The following ELAVL3 variants were observed in gnomAD, a reference collection of about 807,000 sequenced individuals.
ELAVL3 encodes ELAV-like protein 3.
Under a neutral mutation model 34.2 loss-of-function variants are expected in ELAVL3, and 8 were observed. The ratio of observed to expected loss-of-function variants is 0.23; its 90% CI spans 0.14 to 0.42. The LOEUF (loss-of-function observed/expected upper bound fraction) is 0.42. Ranked by LOEUF, ELAVL3 falls within the 10% of genes least tolerant of loss-of-function variation. ELAVL3 has a pLI of 1.00. For synonymous variants in ELAVL3, 209 were observed against 222.1 expected (o/e 0.94, Z 0.53); for missense variants, 273 against 518.8 (o/e 0.53, Z 4.60).
intron 5 of ELAVL3, among the ~76,000 whole-genome samples, chr19:11,457,421 C>T (rs1431627243): frequency 6.6e-6 from 1 of 152,202 alleles, no homozygotes; most frequent in Admixed American, 6.5e-5. Context: ...TGGGCCCAGG[C>T]GCTGGGATCC....
rs1311198125 is a variant in ELAVL3, at chr19:11,456,262, GC to G, written c.752+847del. On this transcript the variant is annotated intron_variant, in intron 6 of 6. Transcript: ENST00000359227. ...TGGGATTACAGGCGCCTGCCACCGT[GC>G]CCAGCTAAATTTTTGTATTTTTAGT... Among the ~76,000 whole-genome samples the G allele has an allele frequency of 1.6e-4, 24 of 151,774 alleles. No individual in the cohort carries two copies. The East Asian group carries it at 4.7e-3, about 30-fold the overall frequency.
At chr19:11,461,386 G>C in intron 3 of ELAVL3, among the ~76,000 whole-genome samples, 1 of 152,146 alleles carries the variant, frequency 6.6e-6, no homozygotes, top group Non-Finnish European at 1.5e-5. Context: ...CCTGTCACCA[G>C]GGACTGGGGA....
chr19:11,462,246 G>A (rs1225221698), intron 3 of ELAVL3, among the ~76,000 whole-genome samples: 1 of 151,794 alleles, frequency 6.6e-6, no homozygotes, highest in African/African-American at 2.4e-5. Flanking sequence ...GAGAGTGAAT[G>A]GGGGGCAGGG....
intron 1 of ELAVL3, among the ~76,000 whole-genome samples, chr19:11,477,971 T>C (rs1404811449): frequency 3.3e-5 from 5 of 152,208 alleles, no homozygotes; most frequent in African/African-American, 1.2e-4. Context: ...ATTACAGGCA[T>C]GAGCCACCGT....
At position 11,452,080 on chromosome 19, in the gene ELAVL3, G is replaced by C. The variant is rs1341125625; in HGVS notation, c.*2446C>G. ...CAAGAACAAGCTAGGGATTTCACCA[G>C]CTAAATAGGACTGAAAAAATTCTCA... is the stretch of plus-strand genomic sequence containing the variant. On this transcript the variant is annotated 3_prime_UTR_variant, in exon 7 of 7. Transcript: ENST00000359227. The C allele has an allele frequency of 6.6e-6, 1 of 152,226 alleles. No homozygotes were observed. Among genetic ancestry groups the C allele is most frequent in the Non-Finnish European group, 1.5e-5 (1 of 68,036 alleles). 9.4% of individuals were successfully genotyped at this position (152,226 alleles called of 1,614,324 possible).
chr19:11,472,027 G>A (rs1440812673), intron 1 of ELAVL3, among the ~76,000 whole-genome samples: 1 of 152,154 alleles, frequency 6.6e-6, no homozygotes, highest in East Asian at 1.9e-4. Context: ...GGCACAGTTG[G>A]CACATAGGTT....
At chr19:11,457,283 C>T (rs553930033) in intron 5 of ELAVL3, 135 bp from the exon 6 acceptor site, 88 of 979,028 alleles carry the variant, frequency 9.0e-5, no homozygotes, top group African/African-American at 8.2e-4. Context: ...GCTCCCCGCC[C>T]GCCCGGCTAG....
intron 1 of ELAVL3, among the ~76,000 whole-genome samples, chr19:11,471,320 A>T (rs1270602318): frequency 1.2e-4 from 16 of 133,470 alleles, no homozygotes; most frequent in South Asian, 9.3e-4. Context: ...AAAAAAAAAA[A>T]TTTTTTTTTT....
At chr19:11,464,168 T>TATATA (rs34925349) in intron 3 of ELAVL3, among the ~76,000 whole-genome samples, 154 of 79,078 alleles carry the variant, frequency 1.9e-3, no homozygotes, top group African/African-American at 9.2e-3. Flanking sequence ...TATATATATA[T>TATATA]TTTTTTTTTT....
In ELAVL3 at chr19:11,454,406, C is replaced by G. The variant is rs1599525424; in HGVS notation, c.*120G>C. 2.9e-6 allele frequency: 3 copies of G among 1,017,872 alleles called. No homozygotes were observed. The East Asian group carries it at 7.9e-5, about 27-fold the overall frequency. The allele number at this position is 1,017,872 out of a possible 1,614,324, so 63.1% of individuals were successfully genotyped here. ...GGCTTCCGCAGGGACGTGGGGCCCT[C>G]GCGTCGTCCGTGGGGCTGCCTGTGC... On this transcript the variant is annotated 3_prime_UTR_variant, in exon 7 of 7. Transcript: ENST00000359227. This position sits in a 1 kb window ranked among gnomAD's most constrained non-coding sequence, Gnocchi z 9.2.
intron 1 of ELAVL3, among the ~76,000 whole-genome samples, chr19:11,473,966 G>C (rs1971215733): frequency 6.6e-6 from 1 of 152,152 alleles, no homozygotes; most frequent in Non-Finnish European, 1.5e-5. Context: ...TCTGTCATGG[G>C]CATGATCATG....
intron 3 of ELAVL3, among the ~76,000 whole-genome samples, chr19:11,464,151 C>CTCTA (rs1215435723): frequency 3.1e-4 from 27 of 86,456 alleles, no homozygotes; most frequent in African/African-American, 4.2e-4. Context: ...CTCTCTCTCT[C>CTCTA]TATATATATA....
At chr19:11,460,838 G>A (rs566423323) in intron 3 of ELAVL3, among the ~76,000 whole-genome samples, 99 of 152,070 alleles carry the variant, frequency 6.5e-4, no homozygotes, top group Middle Eastern at 3.4e-3. Context: ...ACCCAACAAC[G>A]AAACTCTCTG....
At chr19:11,462,652 T>A (rs311776) in intron 3 of ELAVL3, among the ~76,000 whole-genome samples, 31,379 of 147,014 alleles carry the variant, frequency 0.21, 7,049 homozygotes, top group African/African-American at 0.58. Context: ...ATAAATAAAT[T>A]AATTAAGAAA....
Position 11,454,895 on chromosome 19 carries a change from C to G in ELAVL3, c.753-18G>C, listed in dbSNP as rs752885763. The G allele has an allele frequency of 6.3e-7, 1 of 1,579,750 alleles. No homozygotes were observed. The highest frequency in any genetic ancestry group is 8.6e-7 in the Non-Finnish European group (1 of 1,167,692). On this transcript the variant is annotated intron_variant, in intron 6 of 6. Transcript: ENST00000359227. This position sits in a 1 kb window ranked among gnomAD's most constrained non-coding sequence, Gnocchi z 9.2. ...ACAGGGGACTACTTTGGGGGTCACG[C>G]GGGCTCTGCCCTGACCCCCCGCATG...
At position 11,480,420 on chromosome 19, in the gene ELAVL3, C is replaced by T. The variant is rs1244999359; in HGVS notation, c.9+180G>A. On this transcript the variant is annotated intron_variant, in intron 1 of 6. Transcript: ENST00000359227. This position sits in a 1 kb window ranked among gnomAD's most constrained non-coding sequence, Gnocchi z 6.8. ...CCCTCTCAGACCAAGCTCTAAGCGCCCTCAGCACTCTGGGCGCGGCCCTGC... is the reference window on the plus strand; with the variant it reads ...CCCTCTCAGACCAAGCTCTAAGCGCTCTCAGCACTCTGGGCGCGGCCCTGC... 1.5e-6 allele frequency: 1 copy of T among 669,378 alleles called. No individual in the cohort carries two copies. The highest frequency in any genetic ancestry group is 1.9e-5 in the African/African-American group (1 of 52,800). 41.5% of individuals were successfully genotyped at this position (669,378 alleles called of 1,614,324 possible).
Position 11,466,140 on chromosome 19 carries a change from G to A in ELAVL3, c.333+32C>T, listed in dbSNP as rs1971048088. ...TTGGGGACAGTCAGTTGGGGTGGGC[G>A]GTCATGGGGGATTGGAGAAGGAGGC... On this transcript the variant is annotated intron_variant, in intron 3 of 6. Transcript: ENST00000359227. This position sits in a 1 kb window ranked among gnomAD's most constrained non-coding sequence, Gnocchi z 5.0. 3.1e-6 allele frequency: 5 copies of A among 1,596,726 alleles called. No homozygotes were observed. The highest frequency in any genetic ancestry group is 2.7e-5 in the African/African-American group (2 of 74,624).
chr19:11,478,517 C>T (rs1971306115), intron 1 of ELAVL3, among the ~76,000 whole-genome samples: 1 of 152,000 alleles, frequency 6.6e-6, no homozygotes. Context: ...GGGGGGGTGG[C>T]AAAGTCAGGG....
chr19:11,477,741 G>A (rs894337033), intron 1 of ELAVL3, among the ~76,000 whole-genome samples: 1 of 145,792 alleles, frequency 6.9e-6, no homozygotes, highest in Non-Finnish European at 1.5e-5. Flanking sequence ...TGCCCAGCCT[G>A]GAGTGCAATG....
Sources: allele counts gnomAD v4.1 joint callset (sites outside exome capture counted in the v4.1 genomes callset), GRCh38; gene constraint gnomAD v4.1.1; non-coding constraint Gnocchi (gnomAD v3.1); transcripts MANE v1.5; gene names NCBI Gene and HGNC (gene_info 2026-07-23, HGNC 2026-07-21).